Variants in TMEM117 observed in about 807,000 individuals in gnomAD.
The protein encoded by TMEM117 is transmembrane protein 117.
A neutral mutation model predicts 52.4 loss-of-function variants in TMEM117; 27 were observed. The ratio of observed to expected loss-of-function variants is 0.51; its 90% CI spans 0.38 to 0.71. The LOEUF is 0.71. Among genes scored for constraint, TMEM117 ranks in the 30% least tolerant of loss-of-function variants. TMEM117 has a pLI of 0.00. For synonymous variants in TMEM117, 215 were observed against 206.3 expected, an observed-to-expected ratio of 1.04 and a Z score of -0.36; for missense variants, 556 against 630.5, an observed-to-expected ratio of 0.88 and a Z score of 1.26.
intron 4 of TMEM117, among the ~76,000 whole-genome samples, chr12:44,193,714 C>T (rs996140142): frequency 1.1e-4 from 17 of 152,128 alleles, no homozygotes; most frequent in Non-Finnish European, 7.4e-5. Context: ...TATTCTGTTC[C>T]TCAAGTGAGT....
chr12:43,905,659 A>C (rs1216019931), intron 2 of TMEM117, among the ~76,000 whole-genome samples: 1 of 152,180 alleles, frequency 6.6e-6, no homozygotes, highest in African/African-American at 2.4e-5. Flanking sequence ...AGAAGGATGG[A>C]GACTTATTTG....
At chr12:43,928,641 T>C (rs1328991026) in intron 2 of TMEM117, among the ~76,000 whole-genome samples, 2 of 151,934 alleles carry the variant, frequency 1.3e-5, no homozygotes, top group Non-Finnish European at 2.9e-5. Flanking sequence ...ATGTGCACAA[T>C]GCGCAGGTTA....
chr12:44,015,548 A>G (rs1342298636), intron 3 of TMEM117, among the ~76,000 whole-genome samples: 1 of 152,176 alleles, frequency 6.6e-6, no homozygotes, highest in Non-Finnish European at 1.5e-5. Flanking sequence ...CACTGTGGAT[A>G]AGCATTTGTA....
chr12:43,803,440 G>A, the TMEM117 span, among the ~76,000 whole-genome samples: 1 of 152,020 alleles, frequency 6.6e-6, no homozygotes, highest in Non-Finnish European at 1.5e-5. Flanking sequence ...TAAAATGTTA[G>A]CAGTTATTAA....
Position 43,844,851 on chromosome 12 carries a change from T to G in TMEM117, c.200T>G (p.Leu67Trp). ...KYPRGVGWRI[L>W]KVLLWLLAIL... ...CCTAGAGGAGTTGGCTGGAGGATTTTGAAGGTGCTTCTATGGCTACTTGCC... is the reference window on the plus strand; with the variant it reads ...CCTAGAGGAGTTGGCTGGAGGATTTGGAAGGTGCTTCTATGGCTACTTGCC... The change falls in exon 2 of 8, where the codon TTG becomes TGG. Residue 67 changes from leucine (L) to tryptophan (W), a missense_variant. Transcript: ENST00000266534. 1 of 1,614,236 alleles carries G rather than the reference T, an allele frequency of 6.2e-7. No homozygotes were observed. The highest frequency in any genetic ancestry group is 8.5e-7 in the Non-Finnish European group (1 of 1,180,036).
chr12:44,015,880 C>A (rs537051936), intron 3 of TMEM117, among the ~76,000 whole-genome samples: 1 of 152,234 alleles, frequency 6.6e-6, no homozygotes, highest in East Asian at 1.9e-4. Flanking sequence ...CTATACAACT[C>A]ATTTAGATAT....
intron 3 of TMEM117, among the ~76,000 whole-genome samples, chr12:44,134,239 G>A (rs993048200): frequency 7.9e-5 from 12 of 152,132 alleles, no homozygotes; most frequent in Admixed American, 6.5e-5. Context: ...TTTGAGACAG[G>A]TTATCACTCT....
intron 3 of TMEM117, among the ~76,000 whole-genome samples, chr12:44,058,516 C>T (rs1337373727): frequency 2.0e-5 from 3 of 152,160 alleles, no homozygotes; most frequent in Non-Finnish European, 4.4e-5. Flanking sequence ...TCTTGTTCTA[C>T]TGTAGTTCTT....
chr12:43,805,252 G>A, the TMEM117 span, among the ~76,000 whole-genome samples: 4 of 152,166 alleles, frequency 2.6e-5, no homozygotes, highest in Non-Finnish European at 5.9e-5. Flanking sequence ...TAAGGCTCAA[G>A]CATGAGAGTC....
At chr12:43,973,113 A>G (rs1425512320) in intron 3 of TMEM117, among the ~76,000 whole-genome samples, 1 of 151,996 alleles carries the variant, frequency 6.6e-6, no homozygotes, top group African/African-American at 2.4e-5. Context: ...TTGAGAGGGA[A>G]CTCTCTGCTT....
chr12:44,035,945 TGGCA>T (rs1946703373), intron 3 of TMEM117, among the ~76,000 whole-genome samples: 1 of 152,204 alleles, frequency 6.6e-6, no homozygotes, highest in African/African-American at 2.4e-5. Flanking sequence ...ATGAAAGATA[TGGCA>T]GGTGTTTTAT....
At chr12:44,339,382 A>G (rs184674349) in intron 6 of TMEM117, among the ~76,000 whole-genome samples, 6 of 152,038 alleles carry the variant, frequency 3.9e-5, no homozygotes. Context: ...TACAACATCC[A>G]CCATATTATA....
chr12:44,245,587 T>G (rs1002935940), intron 5 of TMEM117, among the ~76,000 whole-genome samples: 9 of 152,016 alleles, frequency 5.9e-5, no homozygotes, highest in Non-Finnish European at 8.8e-5. Flanking sequence ...TCTAACGTTT[T>G]TTTTTTTGTT....
intron 6 of TMEM117, among the ~76,000 whole-genome samples, chr12:44,325,058 G>A (rs1951177955): frequency 6.6e-6 from 1 of 152,134 alleles, no homozygotes; most frequent in Non-Finnish European, 1.5e-5. Flanking sequence ...AAAGAGGACT[G>A]TATTTATATT....
intron 6 of TMEM117, among the ~76,000 whole-genome samples, chr12:44,328,197 C>T (rs1592696501): frequency 6.6e-6 from 1 of 152,046 alleles, no homozygotes; most frequent in South Asian, 2.1e-4. Context: ...TGGCTGATTT[C>T]CTTTGGAAGT....
chr12:43,913,036 G>T (rs1442275256), intron 2 of TMEM117, among the ~76,000 whole-genome samples: 1 of 152,152 alleles, frequency 6.6e-6, no homozygotes, highest in Admixed American at 6.6e-5. Context: ...TACTTTATAA[G>T]CCTCAAGGCA....
chr12:44,395,650 T>TA, the TMEM117 span, among the ~76,000 whole-genome samples: 2 of 152,188 alleles, frequency 1.3e-5, no homozygotes, highest in African/African-American at 4.8e-5. Flanking sequence ...TAGCCTTACA[T>TA]ACAATGACTC....
chr12:44,274,779 C>T (rs1950492134), intron 5 of TMEM117, among the ~76,000 whole-genome samples: 1 of 152,114 alleles, frequency 6.6e-6, no homozygotes, highest in African/African-American at 2.4e-5. Flanking sequence ...AGACCCCTAT[C>T]TCTCACCACA....
intron 5 of TMEM117, among the ~76,000 whole-genome samples, chr12:44,217,880 C>A (rs1440054038): frequency 6.6e-6 from 1 of 152,100 alleles, no homozygotes; most frequent in African/African-American, 2.4e-5. Context: ...TAATATGGAA[C>A]AAGAAACATA....
Sources: allele counts gnomAD v4.1 joint callset (sites outside exome capture counted in the v4.1 genomes callset), GRCh38; gene constraint gnomAD v4.1.1; transcripts MANE v1.5; gene names NCBI Gene and HGNC (gene_info 2026-07-23, HGNC 2026-07-21).